SLC38A3: variants seen among roughly 807,000 people sequenced by gnomAD.
SLC38A3 encodes the protein solute carrier family 38 member 3.
Under a neutral mutation model 59.5 loss-of-function variants are expected in SLC38A3, and 17 were observed. That is an observed-to-expected ratio of 0.29 (90% CI 0.20 to 0.43). SLC38A3 has a LOEUF of 0.43. SLC38A3 is among the 20% of genes least tolerant of loss of function. The pLI, the probability that SLC38A3 is intolerant of heterozygous loss-of-function variation, is 1.00. For missense variants in SLC38A3, 454 were observed against 653.9 expected, an observed-to-expected ratio of 0.69 and a Z score of 3.33; for synonymous variants, 238 against 260.3, an observed-to-expected ratio of 0.91 and a Z score of 0.82.
Position 50,220,285 on chromosome 3 carries a change from C to A in SLC38A3, c.*108C>A. On this transcript the variant is annotated 3_prime_UTR_variant, in exon 16 of 16. Transcript: ENST00000614032. ...CGGGGGAGGAGAAAGACGCGATTAACACTGTGGCATTCAGCCAGGCCCCAT... is the reference window on the plus strand; with the variant it reads ...CGGGGGAGGAGAAAGACGCGATTAAAACTGTGGCATTCAGCCAGGCCCCAT... The A allele has an allele frequency of 1.2e-6, 1 of 840,406 alleles. No homozygotes were observed. The highest frequency in any genetic ancestry group is 1.9e-6 in the Non-Finnish European group (1 of 520,746). The allele number at this position is 840,406 out of a possible 1,614,324, so 52.1% of individuals were successfully genotyped here.
chr3:50,211,103 C>G (rs1164427000), intron 1 of SLC38A3, among the ~76,000 whole-genome samples: 1 of 152,224 alleles, frequency 6.6e-6, no homozygotes, highest in Non-Finnish European at 1.5e-5. Flanking sequence ...CTACTCTGGG[C>G]TTTCACCACA....
chr3:50,214,928 A>G lies in SLC38A3; in HGVS notation c.299+160A>G, dbSNP rs1488079830. ...CGGCTGAAAAAAACATCCACAGCCA[A>G]ACAAATATACCTCACTGCCCAGTAA... On this transcript the variant is annotated intron_variant, in intron 4 of 15. Transcript: ENST00000614032. The surrounding 1 kb of genome is among the most constrained non-coding windows in gnomAD (Gnocchi z 6.0). The G allele has an allele frequency of 6.2e-6, 4 of 647,574 alleles. No homozygotes were observed. Among genetic ancestry groups the G allele is most frequent in the Non-Finnish European group, 1.1e-5 (4 of 364,832 alleles). 40.1% of individuals were successfully genotyped at this position (647,574 alleles called of 1,614,324 possible).
Position 50,214,037 on chromosome 3 carries a change from A to G in SLC38A3, c.-51-112A>G. The G allele has an allele frequency of 1.6e-6, 1 of 637,592 alleles. No individual in the cohort carries two copies. Among genetic ancestry groups the G allele is most frequent in the Non-Finnish European group, 2.8e-6 (1 of 359,360 alleles). The allele number at this position is 637,592 out of a possible 1,614,324, so 39.5% of individuals were successfully genotyped here. On this transcript the variant is annotated intron_variant, in intron 1 of 15. Transcript: ENST00000614032. This position sits in a 1 kb window ranked among gnomAD's most constrained non-coding sequence, Gnocchi z 6.0. ...GCAGTAGGCAGAGCTGCATGTGTGG[A>G]TATGCCCCGAGTGACCATCTGGGAG...
chr3:50,219,957 G>A lies in SLC38A3; in HGVS notation c.1383G>A (p.Glu461=), dbSNP rs35742391. 0.042 allele frequency: 67,697 copies of A among 1,612,626 alleles called. 4,524 individuals are homozygous for A. Among genetic ancestry groups the A allele is most frequent in the African/African-American group, 0.3 (22,597 of 74,886 alleles). The part of the protein sequence containing the change: ...FYFRIMPTEK[E]PARSTPKILA... ...TCCGAATCATGCCCACGGAGAAGGA[G>A]CCTGCAAGATCCACCCCCAAAATCC... is the stretch of plus-strand genomic sequence containing the variant. Residue 461 remains glutamate (E), a synonymous_variant, in exon 15 of 16, where the codon GAG becomes GAA. Transcript: ENST00000614032.
rs369567718 is a variant in SLC38A3, at chr3:50,214,483, C to T, written c.183C>T (p.Asp61=). 1.3e-5 allele frequency: 21 copies of T among 1,562,978 alleles called. No individual in the cohort carries two copies. The highest frequency in any genetic ancestry group is 4.8e-5 in the East Asian group (2 of 41,668). ...CCAGCAAGGAGCCACACTTCACTGA[C>T]GTGAGCAGGGCAGCAACGGGTTTTA... ...KSPSKEPHFT[D]FEGKTSFGMS... Residue 61 remains aspartate (D), a splice_region_variant and synonymous_variant, in exon 3 of 16, where the codon GAC becomes GAT. Transcript: ENST00000614032. This position sits in a 1 kb window ranked among gnomAD's most constrained non-coding sequence, Gnocchi z 6.0.
chr3:50,213,685 G>C (rs1699767699), intron 1 of SLC38A3, among the ~76,000 whole-genome samples: 2 of 152,238 alleles, frequency 1.3e-5, no homozygotes, highest in African/African-American at 4.8e-5. Context: ...TTCTAGGTTG[G>C]GCAGGAGGCC....
Position 50,218,473 on chromosome 3 carries a change from C to T in SLC38A3, c.1036+103C>T. The stretch of plus-strand genomic sequence containing the variant: ...CCGAGGCGTGTGGTGCCTGGCTGTG[C>T]CTTGCCGCTGTGGAGGTGAGTCTGC... On this transcript the variant is annotated intron_variant, in intron 12 of 15. Transcript: ENST00000614032. This position sits in a 1 kb window ranked among gnomAD's most constrained non-coding sequence, Gnocchi z 5.8. The T allele has an allele frequency of 6.4e-7, 1 of 1,556,234 alleles. No individual in the cohort carries two copies.
chr3:50,218,100 A>G lies in SLC38A3; in HGVS notation c.935+104A>G. 8.1e-7 allele frequency: 1 copy of G among 1,231,326 alleles called. No individual in the cohort carries two copies. The highest frequency in any genetic ancestry group is 1.2e-6 in the Non-Finnish European group (1 of 848,792). 76.3% of individuals were successfully genotyped at this position (1,231,326 alleles called of 1,614,324 possible). A position where few individuals can be genotyped will look rare whatever the true frequency, so the allele number is the denominator to read the frequency against. On this transcript the variant is annotated intron_variant, in intron 11 of 15. Transcript: ENST00000614032. This position sits in a 1 kb window ranked among gnomAD's most constrained non-coding sequence, Gnocchi z 5.8. Reference sequence around the variant, plus strand: ...AGAGGGGAGTGACAGGAGCCAAGTCACTTTATCTGAGATGTCCTTGGCAGC... The same window carrying G: ...AGAGGGGAGTGACAGGAGCCAAGTCGCTTTATCTGAGATGTCCTTGGCAGC...
chr3:50,207,335 G>A (rs939212524), intron 1 of SLC38A3: 10 of 152,074 alleles, frequency 6.6e-5, no homozygotes, highest in East Asian at 1.9e-4. Context: ...CATTTTTTGA[G>A]GTGGGGTCTC....
rs755689494 is a variant in SLC38A3, at chr3:50,215,409, T to C, written c.323T>C (p.Leu108Ser). The stretch of plus-strand genomic sequence containing the variant: ...AGGTTCCTGTTGACAGCTGTCGCCT[T>C]GCTCTCCAGCTACTCCATCCACCTG... ...LFLFLLTAVALLSSYSIHLLL... is the reference protein window; with the variant it reads ...LFLFLLTAVASLSSYSIHLLL... The change falls in exon 5 of 16, where the codon TTG becomes TCG. Residue 108 changes from leucine (L) to serine (S), a missense_variant. Around this residue, in one of 3 missense-constraint regions of SLC38A3, gnomAD observed 390 missense variants for 557.9 expected, o/e 0.70. Coordinates refer to ENST00000614032, the MANE Select transcript of SLC38A3 (RefSeq NM_006841.6). The surrounding 1 kb of genome is among the most constrained non-coding windows in gnomAD (Gnocchi z 7.1). 1.9e-6 allele frequency: 3 copies of C among 1,613,910 alleles called. No individual in the cohort carries two copies. Among genetic ancestry groups the C allele is most frequent in the Non-Finnish European group, 2.5e-6 (3 of 1,179,888 alleles).
Position 50,214,269 on chromosome 3 carries a change from C to T in SLC38A3, c.70C>T (p.Pro24Ser). Residue 24 changes from proline (P) to serine (S), a missense_variant, in exon 2 of 16, where the codon CCG (proline) becomes TCG (serine). Coordinates refer to ENST00000614032, the MANE Select transcript of SLC38A3 (RefSeq NM_006841.6). This position sits in a 1 kb window ranked among gnomAD's most constrained non-coding sequence, Gnocchi z 6.0. ...TGGCAAACACTCAGAGGGGCTGCTCCCGGTCATCACCCCCATGGCAGGCAA... is the reference window on the plus strand; with the variant it reads ...TGGCAAACACTCAGAGGGGCTGCTCTCGGTCATCACCCCCATGGCAGGCAA... ...PNGKHSEGLL[P>S]VITPMAGNQR... is the part of the protein sequence containing the mutation. The T allele has an allele frequency of 6.2e-7, 1 of 1,613,940 alleles. No individual in the cohort carries two copies. Among genetic ancestry groups the T allele is most frequent in the South Asian group, 1.1e-5 (1 of 91,070 alleles).
intron 1 of SLC38A3, among the ~76,000 whole-genome samples, chr3:50,210,718 G>A (rs1216876018): frequency 6.6e-6 from 1 of 152,212 alleles, no homozygotes; most frequent in Non-Finnish European, 1.5e-5. Flanking sequence ...TCGCGTGGGC[G>A]GGCGTTACCT....
Position 50,214,046 on chromosome 3 carries a change from GA to G in SLC38A3, c.-51-102del. On this transcript the variant is annotated intron_variant, in intron 1 of 15. Transcript: ENST00000614032. The surrounding 1 kb of genome is among the most constrained non-coding windows in gnomAD (Gnocchi z 6.0). ...AGAGCTGCATGTGTGGATATGCCCC[GA>G]GTGACCATCTGGGAGGTGTGCTATG... 1 of 658,832 alleles carries G rather than the reference GA, an allele frequency of 1.5e-6. No individual in the cohort carries two copies. 40.8% of individuals were successfully genotyped at this position (658,832 alleles called of 1,614,324 possible).
At chr3:50,210,755 C>G (rs1347962151) in intron 1 of SLC38A3, among the ~76,000 whole-genome samples, 5 of 152,208 alleles carry the variant, frequency 3.3e-5, no homozygotes, top group Non-Finnish European at 7.4e-5. Flanking sequence ...GGCTCCTGGC[C>G]CCTCCTGGCC....
In SLC38A3 at chr3:50,220,729, G is replaced by A. The variant is rs1699884694; in HGVS notation, c.*552G>A. ...CCATACCCCATAGCTGGGGCCAGCA[G>A]GTTCTGCTGAGGGTGGGGCTGGTGT... On this transcript the variant is annotated 3_prime_UTR_variant, in exon 16 of 16. Transcript: ENST00000614032. The A allele has an allele frequency of 6.0e-6, 1 of 166,234 alleles. No individual in the cohort carries two copies. Among genetic ancestry groups the A allele is most frequent in the Non-Finnish European group, 1.3e-5 (1 of 74,574 alleles). 10.3% of individuals were successfully genotyped at this position (166,234 alleles called of 1,614,324 possible).
At position 50,218,263 on chromosome 3, in the gene SLC38A3, C is replaced by T. The variant is rs1286710494; in HGVS notation, c.936-7C>T. The T allele has an allele frequency of 1.9e-6, 3 of 1,589,108 alleles. No individual in the cohort carries two copies. The highest frequency in any genetic ancestry group is 2.6e-6 in the Non-Finnish European group (3 of 1,157,286). On this transcript the variant is annotated splice_region_variant and splice_polypyrimidine_tract_variant and intron_variant, in intron 11 of 15. Coordinates refer to ENST00000614032, the MANE Select transcript of SLC38A3 (RefSeq NM_006841.6). This position sits in a 1 kb window ranked among gnomAD's most constrained non-coding sequence, Gnocchi z 5.8. Reference sequence around the variant, plus strand: ...TCACCAACACCCACCCCCCCACTTCCCCACAGCCCCTCCAAGAAGAAGATG... The same window carrying T: ...TCACCAACACCCACCCCCCCACTTCTCCACAGCCCCTCCAAGAAGAAGATG...
At position 50,217,869 on chromosome 3, in the gene SLC38A3, C is replaced by T. The variant is rs757208301; in HGVS notation, c.855+29C>T. ...CTGACAGGTCAGGGCAAGGCGGGGGCCCAATGAGAGTGGCAGACTGCCTTG... is the reference window on the plus strand; with the variant it reads ...CTGACAGGTCAGGGCAAGGCGGGGGTCCAATGAGAGTGGCAGACTGCCTTG... On this transcript the variant is annotated intron_variant, in intron 10 of 15. Transcript: ENST00000614032. This position sits in a 1 kb window ranked among gnomAD's most constrained non-coding sequence, Gnocchi z 4.9. 69 of 1,613,980 alleles carry T rather than the reference C, an allele frequency of 4.3e-5. No homozygotes were observed. Among genetic ancestry groups the T allele is most frequent in the Non-Finnish European group, 5.8e-5 (68 of 1,179,892 alleles).
rs1699790059 is a variant in SLC38A3 at position 50,214,627 on chromosome 3, T to C, written c.184-26T>C. ...TGTCCCTTGCTGACTCCTCCCACCC[T>C]CCCCGTCCCATTCTGGTGCCTGCAG... On this transcript the variant is annotated intron_variant, in intron 3 of 15. Coordinates refer to ENST00000614032, the MANE Select transcript of SLC38A3 (RefSeq NM_006841.6). The surrounding 1 kb of genome is among the most constrained non-coding windows in gnomAD (Gnocchi z 6.0). The C allele has an allele frequency of 5.1e-6, 4 of 777,186 alleles. No individual in the cohort carries two copies. Among genetic ancestry groups the C allele is most frequent in the African/African-American group, 1.8e-5 (1 of 56,482 alleles). The allele number at this position is 777,186 out of a possible 1,614,324, so 48.1% of individuals were successfully genotyped here.
Position 50,217,231 on chromosome 3 carries a change from C to A in SLC38A3, c.549-7C>A. On this transcript the variant is annotated splice_region_variant and splice_polypyrimidine_tract_variant and intron_variant, in intron 7 of 15. Transcript: ENST00000614032. This position sits in a 1 kb window ranked among gnomAD's most constrained non-coding sequence, Gnocchi z 4.9. The stretch of plus-strand genomic sequence containing the variant: ...CTGACCCTGGCTCCCGACTCATGTC[C>A]CTGCAGGGACTGGTACATGAACGGG... The A allele has an allele frequency of 6.2e-7, 1 of 1,608,574 alleles. No individual in the cohort carries two copies. Among genetic ancestry groups the A allele is most frequent in the South Asian group, 1.1e-5 (1 of 90,078 alleles).
Sources: allele counts gnomAD v4.1 joint callset (sites outside exome capture counted in the v4.1 genomes callset), GRCh38; gene constraint gnomAD v4.1.1; regional missense constraint gnomAD v4.1.1; non-coding constraint Gnocchi (gnomAD v3.1); transcripts MANE v1.5; gene names NCBI Gene and HGNC (gene_info 2026-07-23, HGNC 2026-07-21).